KCNT2: variants seen among roughly 807,000 people sequenced by gnomAD.
KCNT2 encodes potassium channel subfamily T member 2.
Under a neutral mutation model 153.8 loss-of-function variants are expected in KCNT2, and 67 were observed. The ratio of observed to expected loss-of-function variants is 0.44; its 90% CI spans 0.36 to 0.53. The LOEUF is 0.53. Among genes scored for constraint, KCNT2 ranks in the 20% least tolerant of loss-of-function variants. The pLI is 0.00. For synonymous variants in KCNT2, 500 were observed against 458.8 expected (o/e 1.09, Z -1.15); for missense variants, 975 against 1,354.8 (o/e 0.72, Z 4.40).
intron 1 of KCNT2, among the ~76,000 whole-genome samples, chr1:196,533,480 G>C (rs1655191895): frequency 6.6e-6 from 1 of 152,052 alleles, no homozygotes; most frequent in South Asian, 2.1e-4. Context: ...TTAACTGGCA[G>C]CACTCTTACA....
At chr1:196,570,571 G>A (rs1174530311) in intron 1 of KCNT2, among the ~76,000 whole-genome samples, 1 of 151,982 alleles carries the variant, frequency 6.6e-6, no homozygotes, top group Non-Finnish European at 1.5e-5. Context: ...ACTCAAAGTA[G>A]GATTCTCTAA....
chr1:196,229,101 T>C (rs1010916173), intron 27 of KCNT2, among the ~76,000 whole-genome samples: 8 of 152,092 alleles, frequency 5.3e-5, no homozygotes, highest in South Asian at 2.1e-4. Context: ...TGTCAAATGA[T>C]GTACAGGCAT....
At chr1:196,572,136 A>T (rs1660849272) in intron 1 of KCNT2, among the ~76,000 whole-genome samples, 1 of 152,054 alleles carries the variant, frequency 6.6e-6, no homozygotes, top group African/African-American at 2.4e-5. Context: ...CCTTGGCTAT[A>T]AAATAAGAGA....
intron 1 of KCNT2, among the ~76,000 whole-genome samples, chr1:196,501,144 G>A (rs886771699): frequency 6.6e-6 from 1 of 152,204 alleles, no homozygotes; most frequent in African/African-American, 2.4e-5. Flanking sequence ...ACAGTATGGA[G>A]ATTTTGCAAA....
intron 1 of KCNT2, among the ~76,000 whole-genome samples, chr1:196,513,410 T>G (rs1681794299): frequency 6.6e-6 from 1 of 152,208 alleles, no homozygotes; most frequent in South Asian, 2.1e-4. Flanking sequence ...CAAATAACCT[T>G]GCTCCAAAAA....
chr1:196,352,880 T>C (rs1422741214), intron 14 of KCNT2, among the ~76,000 whole-genome samples: 2 of 152,150 alleles, frequency 1.3e-5, no homozygotes, highest in African/African-American at 2.4e-5. Flanking sequence ...GCTTTGAATG[T>C]GTCCCATAGA....
chr1:196,350,986 T>C (rs1453263331), intron 14 of KCNT2, among the ~76,000 whole-genome samples: 2 of 152,218 alleles, frequency 1.3e-5, no homozygotes, highest in Non-Finnish European at 2.9e-5. Context: ...CTTGTTTTTG[T>C]CAGGTTTGTC....
intron 1 of KCNT2, among the ~76,000 whole-genome samples, chr1:196,560,564 CTT>C (rs1659242947): frequency 6.6e-6 from 1 of 151,878 alleles, no homozygotes; most frequent in Non-Finnish European, 1.5e-5. Flanking sequence ...AATGCCATCT[CTT>C]TGAAATATAA....
intron 25 of KCNT2, 47 bp downstream of exon 25, chr1:196,280,813 C>A (rs1441974117): frequency 6.6e-7 from 1 of 1,525,920 alleles, no homozygotes; most frequent in Non-Finnish European, 9.1e-7. Context: ...AATGATTGCA[C>A]TCATCAGATT....
chr1:196,445,116 G>A (rs1407496454), intron 8 of KCNT2, among the ~76,000 whole-genome samples: 2 of 151,194 alleles, frequency 1.3e-5, no homozygotes, highest in East Asian at 1.9e-4. Context: ...AGAAATATTA[G>A]CTTACACACT....
chr1:196,297,311 C>T (rs77905487), intron 22 of KCNT2, among the ~76,000 whole-genome samples: 1 of 151,994 alleles, frequency 6.6e-6, no homozygotes. Flanking sequence ...AAATTCATTA[C>T]TTTTCTGCAT....
chr1:196,503,459 C>T (rs1473044096), intron 1 of KCNT2, among the ~76,000 whole-genome samples: 1 of 152,140 alleles, frequency 6.6e-6, no homozygotes, highest in Non-Finnish European at 1.5e-5. Context: ...ATAACTACAA[C>T]ACATAAACCC....
chr1:196,590,843 A>G (rs762478389), intron 1 of KCNT2, among the ~76,000 whole-genome samples: 9 of 152,110 alleles, frequency 5.9e-5, no homozygotes, highest in Non-Finnish European at 7.4e-5. Flanking sequence ...AAGAGATCTC[A>G]GGCCGAGTGC....
At chr1:196,282,391 A>G (rs1200093391) in intron 23 of KCNT2, 35 bp from the exon 24 acceptor site, 3 of 1,045,968 alleles carry the variant, frequency 2.9e-6, no homozygotes, top group Middle Eastern at 2.1e-4. Flanking sequence ...ATATAAATGT[A>G]TATTTATATA....
At chr1:196,238,582 C>T (rs1654660079) in intron 26 of KCNT2, among the ~76,000 whole-genome samples, 1 of 151,900 alleles carries the variant, frequency 6.6e-6, no homozygotes, top group African/African-American at 2.4e-5. Flanking sequence ...GACTTCAAAG[C>T]TATTCTCTTT....
At chr1:196,491,737 A>G (rs1679876835) in intron 2 of KCNT2, among the ~76,000 whole-genome samples, 1 of 149,238 alleles carries the variant, frequency 6.7e-6, no homozygotes, top group South Asian at 2.1e-4. Context: ...CTGGGATGTT[A>G]AACTCTGAGA....
intron 8 of KCNT2, among the ~76,000 whole-genome samples, chr1:196,434,808 T>G (rs1402931976): frequency 8.6e-5 from 13 of 151,732 alleles, no homozygotes; most frequent in Admixed American, 8.6e-4. Flanking sequence ...TTGCAGCTCT[T>G]TTTTCTCATT....
chr1:196,257,694 T>A, intron 26 of KCNT2: 3 of 982,466 alleles, frequency 3.1e-6, no homozygotes, highest in Non-Finnish European at 3.6e-6. Flanking sequence ...TGGCACTATA[T>A]GAGATAAAGC....
chr1:196,426,722 T>A (rs1363364194), intron 10 of KCNT2, among the ~76,000 whole-genome samples: 1 of 151,834 alleles, frequency 6.6e-6, no homozygotes, highest in Non-Finnish European at 1.5e-5. Flanking sequence ...AATGACTGTA[T>A]GATATGGTTT....
Sources: gnomAD v4.1 joint callset for allele counts (sites outside exome capture counted in the v4.1 genomes callset) on GRCh38, gnomAD v4.1.1 for gene constraint, MANE v1.5 for transcripts, NCBI Gene and HGNC (gene_info 2026-07-23, HGNC 2026-07-21) for gene names.